The following CEP112 variants were observed in gnomAD, a reference collection of about 807,000 sequenced individuals.
The protein encoded by CEP112 is centrosomal protein of 112 kDa.
Under a neutral mutation model 153.0 loss-of-function variants are expected in CEP112, and 127 were observed. The ratio of observed to expected loss-of-function variants is 0.83; its 90% CI spans 0.72 to 0.96. The LOEUF is 0.96. Among genes scored for constraint, CEP112 ranks in the 40% least tolerant of loss-of-function variants. The pLI, the probability that CEP112 is intolerant of heterozygous loss-of-function variation, is 0.00. For synonymous variants in CEP112, 358 were observed against 374.4 expected (o/e 0.96, Z 0.51); for missense variants, 1,089 against 1,101.2 (o/e 0.99, Z 0.16).
intron 24 of CEP112, among the ~76,000 whole-genome samples, chr17:65,681,526 T>C (rs1354548727): frequency 1.3e-5 from 2 of 150,466 alleles, no homozygotes; most frequent in African/African-American, 4.9e-5. Context: ...AATGTCCTCC[T>C]GCTAGCATCT....
At chr17:65,850,734 G>A (rs1174571089) in intron 21 of CEP112, among the ~76,000 whole-genome samples, 3 of 152,058 alleles carry the variant, frequency 2.0e-5, no homozygotes, top group Non-Finnish European at 2.9e-5. Context: ...TCAGACCTAC[G>A]TGACCTGGAC....
At chr17:66,182,082 A>C (rs1344134680) in intron 2 of CEP112, 1 of 152,230 alleles carries the variant, frequency 6.6e-6, no homozygotes, top group African/African-American at 2.4e-5. Flanking sequence ...AACAGTCTCC[A>C]CTTATCCATG....
At chr17:65,969,832 C>G (rs981674630) in intron 17 of CEP112, among the ~76,000 whole-genome samples, 4 of 122,714 alleles carry the variant, frequency 3.3e-5, no homozygotes, top group Non-Finnish European at 7.1e-5. Context: ...ATATTACAAG[C>G]ATATCATCTA....
chr17:65,816,162 C>T (rs566601467), intron 21 of CEP112, among the ~76,000 whole-genome samples: 3 of 151,462 alleles, frequency 2.0e-5, no homozygotes, highest in African/African-American at 4.8e-5. Flanking sequence ...TTTTAAAAAA[C>T]ATTTTTGCTG....
Position 65,951,781 on chromosome 17 carries a change from G to T in CEP112, c.1872+9682C>A, listed in dbSNP as rs115393562. Among the ~76,000 whole-genome samples, 846 of 125,110 alleles carry T rather than the reference G, an allele frequency of 6.8e-3. 11 individuals carry two copies. The highest frequency in any genetic ancestry group is 0.024 in the African/African-American group (807 of 33,518). 82.1% of individuals were successfully genotyped at this position (125,110 alleles called of 152,430 possible). A position where few individuals can be genotyped will look rare whatever the true frequency, so the allele number is the denominator to read the frequency against. On this transcript the variant is annotated intron_variant, in intron 18 of 26. Coordinates refer to ENST00000535342, the MANE Select transcript of CEP112 (RefSeq NM_001199165.4). ...TTCCACTTGCTTAGAAGCTTGCTTT[G>T]CTTTTCTTTTTCTGGTTTCATCAGG...
chr17:66,144,749 A>T (rs1325564797), intron 4 of CEP112, among the ~76,000 whole-genome samples: 1 of 152,222 alleles, frequency 6.6e-6, no homozygotes, highest in African/African-American at 2.4e-5. Flanking sequence ...TTATATACAT[A>T]AACCATAATT....
At chr17:65,863,024 T>C (rs1450777672) in intron 20 of CEP112, among the ~76,000 whole-genome samples, 1 of 152,128 alleles carries the variant, frequency 6.6e-6, no homozygotes, top group Non-Finnish European at 1.5e-5. Context: ...GTAGTTCTAG[T>C]AGGCATTTTA....
chr17:66,069,363 T>C (rs865812808), intron 9 of CEP112, among the ~76,000 whole-genome samples: 11 of 151,772 alleles, frequency 7.2e-5, no homozygotes, highest in Admixed American at 3.9e-4. Context: ...CAATTTTTGC[T>C]GTGCCAGCTA....
chr17:66,087,546 C>T (rs1394041125), intron 8 of CEP112, among the ~76,000 whole-genome samples: 6 of 152,010 alleles, frequency 3.9e-5, no homozygotes, highest in Non-Finnish European at 7.4e-5. Flanking sequence ...CAGGATTATA[C>T]AAGAAAGAAA....
intron 24 of CEP112, among the ~76,000 whole-genome samples, chr17:65,681,145 G>A (rs2047503503): frequency 6.6e-6 from 1 of 152,216 alleles, no homozygotes; most frequent in Non-Finnish European, 1.5e-5. Flanking sequence ...CTTACAGAGT[G>A]ATTCAATTCA....
chr17:65,969,524 T>G (rs534785394), intron 17 of CEP112, among the ~76,000 whole-genome samples: 2 of 152,278 alleles, frequency 1.3e-5, no homozygotes, highest in South Asian at 4.1e-4. Flanking sequence ...CTTGCATGTA[T>G]ATTGCATGTA....
rs112282750 is a variant in CEP112 at position 65,897,585 on chromosome 17, T to C, written c.2163+4567A>G. Among the ~76,000 whole-genome samples the C allele has an allele frequency of 3.1e-3, 471 of 152,212 alleles. 3 individuals carry two copies. Among genetic ancestry groups the C allele is most frequent in the African/African-American group, 0.011 (449 of 41,556 alleles). On this transcript the variant is annotated intron_variant, in intron 20 of 26. Coordinates refer to ENST00000535342, the MANE Select transcript of CEP112 (RefSeq NM_001199165.4). ...CACTTTGTAAGTATTCCTGGCACAGTGATGAAACAACTGTCCTAGAATTTG... is the reference window on the plus strand; with the variant it reads ...CACTTTGTAAGTATTCCTGGCACAGCGATGAAACAACTGTCCTAGAATTTG...
intron 6 of CEP112, among the ~76,000 whole-genome samples, chr17:66,128,939 AC>A (rs1368570830): frequency 6.6e-6 from 1 of 152,232 alleles, no homozygotes; most frequent in Non-Finnish European, 1.5e-5. Flanking sequence ...AAATGTTAAC[AC>A]AGGTCTCTGT....
intron 23 of CEP112, among the ~76,000 whole-genome samples, chr17:65,732,502 A>T (rs911621908): frequency 6.6e-6 from 1 of 152,336 alleles, no homozygotes; most frequent in Admixed American, 6.5e-5. Flanking sequence ...CAAGAGAGTT[A>T]GCCTGTCCTT....
At chr17:65,939,710 T>G (rs959558135) in intron 18 of CEP112, among the ~76,000 whole-genome samples, 4 of 152,162 alleles carry the variant, frequency 2.6e-5, no homozygotes, top group Non-Finnish European at 5.9e-5. Context: ...GAAATTGGGT[T>G]TTTATCATAC....
intron 4 of CEP112, among the ~76,000 whole-genome samples, chr17:66,151,319 C>T (rs1325428139): frequency 6.6e-6 from 1 of 152,118 alleles, no homozygotes; most frequent in Non-Finnish European, 1.5e-5. Flanking sequence ...CCATTTTAAT[C>T]CTTCTAGTTA....
chr17:65,955,178 C>A (rs2061962527), intron 18 of CEP112, among the ~76,000 whole-genome samples: 1 of 152,158 alleles, frequency 6.6e-6, no homozygotes, highest in South Asian at 2.1e-4. Flanking sequence ...GGCAGAAACC[C>A]TAAAAGCTGG....
At chr17:65,905,741 A>T in intron 19 of CEP112, among the ~76,000 whole-genome samples, 1 of 152,170 alleles carries the variant, frequency 6.6e-6, no homozygotes, top group Non-Finnish European at 1.5e-5. Flanking sequence ...CATCTTGGCT[A>T]ACATGGTGAA....
intron 18 of CEP112, among the ~76,000 whole-genome samples, chr17:65,937,605 C>T (rs1474825051): frequency 2.1e-4 from 21 of 98,052 alleles, no homozygotes; most frequent in South Asian, 1.3e-3. Flanking sequence ...CCGCCCCGTC[C>T]GGGAGGGAGG....
Sources: allele counts gnomAD v4.1 joint callset (sites outside exome capture counted in the v4.1 genomes callset), GRCh38; gene constraint gnomAD v4.1.1; transcripts MANE v1.5; gene names NCBI Gene and HGNC (gene_info 2026-07-23, HGNC 2026-07-21).